Variants in PTBP2 observed in about 807,000 individuals in gnomAD.
The protein encoded by PTBP2 is polypyrimidine tract-binding protein 2.
In PTBP2, 13 loss-of-function variants were observed where a neutral mutation model predicts 61.4. That is an observed-to-expected ratio of 0.21 (90% CI 0.14 to 0.34). PTBP2 has a LOEUF of 0.34. PTBP2 is among the 10% of genes least tolerant of loss of function. PTBP2 has a pLI of 1.00. For synonymous variants in PTBP2, 215 were observed against 218.5 expected (o/e 0.98, Z 0.14); for missense variants, 405 against 642.6 (o/e 0.63, Z 4.00).
intron 2 of PTBP2, among the ~76,000 whole-genome samples, chr1:96,732,917 C>T (rs968136030): frequency 1.3e-5 from 2 of 152,050 alleles, no homozygotes. Flanking sequence ...ATATAGAAGA[C>T]CTCAATTACA....
At chr1:96,760,079 C>A (rs926234963) in intron 3 of PTBP2, among the ~76,000 whole-genome samples, 6 of 152,116 alleles carry the variant, frequency 3.9e-5, no homozygotes, top group Admixed American at 1.3e-4. Flanking sequence ...CCCACCAGGT[C>A]CCTCCCACAA....
chr1:96,777,795 T>C, intron 6 of PTBP2, 41 bp from the exon 7 acceptor site: 1 of 1,530,390 alleles, frequency 6.5e-7, no homozygotes. Context: ...GAAATAATAA[T>C]ATAGTAAATA....
chr1:96,797,273 G>A (rs1660488619), intron 8 of PTBP2, among the ~76,000 whole-genome samples: 1 of 152,202 alleles, frequency 6.6e-6, no homozygotes, highest in East Asian at 1.9e-4. Flanking sequence ...AAAGTTGAGG[G>A]AGACCAAAAA....
chr1:96,737,931 A>G (rs1481092595), intron 2 of PTBP2, among the ~76,000 whole-genome samples: 1 of 151,994 alleles, frequency 6.6e-6, no homozygotes, highest in Non-Finnish European at 1.5e-5. Flanking sequence ...TTGATTAAAT[A>G]TTTATGGGCC....
At chr1:96,757,356 A>G (rs571580041) in intron 3 of PTBP2, among the ~76,000 whole-genome samples, 2 of 152,366 alleles carry the variant, frequency 1.3e-5, no homozygotes, top group East Asian at 1.9e-4. Flanking sequence ...TACCAGATAT[A>G]AAAAAGCATA....
At chr1:96,817,514 T>C (rs150725285), downstream of PTBP2, 19 of 152,198 alleles carry the variant, frequency 1.2e-4, no homozygotes, top group East Asian at 2.7e-3. Flanking sequence ...GTTAAAGTTA[T>C]AGAGTATTAG....
intron 3 of PTBP2, among the ~76,000 whole-genome samples, chr1:96,755,569 A>G (rs747089205): frequency 1.4e-4 from 21 of 152,250 alleles, no homozygotes; most frequent in Non-Finnish European, 3.1e-4. Flanking sequence ...CAAAATGTGA[A>G]ACAAACATTC....
chr1:96,786,700 T>C (rs1659248105), intron 8 of PTBP2, among the ~76,000 whole-genome samples: 1 of 152,204 alleles, frequency 6.6e-6, no homozygotes, highest in Non-Finnish European at 1.5e-5. Context: ...GATGGTCTCA[T>C]CAAGATTTTA....
intron 2 of PTBP2, among the ~76,000 whole-genome samples, chr1:96,747,338 G>A (rs1653972055): frequency 6.6e-6 from 1 of 152,056 alleles, no homozygotes; most frequent in African/African-American, 2.4e-5. Flanking sequence ...TTCTTATAGA[G>A]ATTTTTGTAG....
intron 2 of PTBP2, among the ~76,000 whole-genome samples, chr1:96,726,455 C>A (rs866349917): frequency 7.5e-6 from 1 of 134,182 alleles, no homozygotes; most frequent in Non-Finnish European, 1.6e-5. Context: ...TTTTTTTTTT[C>A]GAGACGGAGT....
At chr1:96,751,606 C>T (rs1053835133) in intron 3 of PTBP2, 106 bp downstream of exon 3, 12 of 728,442 alleles carry the variant, frequency 1.6e-5, no homozygotes, top group South Asian at 4.3e-5. Context: ...TTTTTAAATG[C>T]GTGTTGAAAC....
intron 8 of PTBP2, among the ~76,000 whole-genome samples, chr1:96,790,850 A>C (rs1165982058): frequency 6.6e-6 from 1 of 152,186 alleles, no homozygotes; most frequent in Non-Finnish European, 1.5e-5. Flanking sequence ...GTGGCCCAAA[A>C]AAGGAAGGGG....
At chr1:96,803,146 C>G (rs918309899) in intron 8 of PTBP2, among the ~76,000 whole-genome samples, 1 of 152,066 alleles carries the variant, frequency 6.6e-6, no homozygotes, top group African/African-American at 2.4e-5. Flanking sequence ...TTGAAAAGAT[C>G]CACATTGGTG....
Position 96,806,954 on chromosome 1 carries a change from A to G in PTBP2, c.1167A>G (p.Gln389=). 1.9e-6 allele frequency: 3 copies of G among 1,601,876 alleles called. No individual in the cohort carries two copies. The highest frequency in any genetic ancestry group is 1.1e-5 in the South Asian group (1 of 89,660). Residue 389 remains glutamine, a synonymous_variant, in exon 11 of 14, where the codon CAA becomes CAG. Transcript: ENST00000674951. ...LIQMADGNQS[Q]LAMNHLNGQK... is the part of the protein sequence containing the mutation. Reference sequence around the variant, plus strand: ...AGATGGCTGATGGAAACCAATCACAACTTGGTAAGATTAAACTATGTTTTA... The same window carrying G: ...AGATGGCTGATGGAAACCAATCACAGCTTGGTAAGATTAAACTATGTTTTA...
intron 2 of PTBP2, among the ~76,000 whole-genome samples, chr1:96,729,135 C>G (rs1651015578): frequency 6.6e-6 from 1 of 152,086 alleles, no homozygotes; most frequent in Admixed American, 6.5e-5. Flanking sequence ...AATTCTCCTG[C>G]CTCAGCCTCA....
intron 2 of PTBP2, among the ~76,000 whole-genome samples, chr1:96,732,934 G>A (rs1651632960): frequency 6.6e-6 from 1 of 151,788 alleles, no homozygotes; most frequent in African/African-American, 2.4e-5. Flanking sequence ...TACAGGTAGT[G>A]AAATTTGTAC....
At chr1:96,768,971 TC>T (rs1462544527) in intron 3 of PTBP2, among the ~76,000 whole-genome samples, 1 of 152,010 alleles carries the variant, frequency 6.6e-6, no homozygotes, top group Non-Finnish European at 1.5e-5. Flanking sequence ...ATTATAATCT[TC>T]CTAATTTTGG....
At chr1:96,763,917 G>A (rs1046780128) in intron 3 of PTBP2, among the ~76,000 whole-genome samples, 1 of 152,142 alleles carries the variant, frequency 6.6e-6, no homozygotes, top group African/African-American at 2.4e-5. Flanking sequence ...AAAAATTGGT[G>A]ATTATATTTG....
At chr1:96,793,170 G>A (rs1433765173) in intron 8 of PTBP2, among the ~76,000 whole-genome samples, 1 of 152,094 alleles carries the variant, frequency 6.6e-6, no homozygotes, top group Non-Finnish European at 1.5e-5. Context: ...TATCTAAGAA[G>A]TAAAAAATAG....
Sources: gnomAD v4.1 joint callset for allele counts (sites outside exome capture counted in the v4.1 genomes callset) on GRCh38, gnomAD v4.1.1 for gene constraint, MANE v1.5 for transcripts, NCBI Gene and HGNC (gene_info 2026-07-23, HGNC 2026-07-21) for gene names.